BCAS1: variants seen among roughly 807,000 people sequenced by gnomAD.
The protein encoded by BCAS1 is brain enriched myelin associated protein 1.
BCAS1 carries 46 observed loss-of-function variants against 65.4 expected under a neutral mutation model. The ratio of observed to expected loss-of-function variants is 0.70; its 90% CI spans 0.55 to 0.90. The LOEUF (loss-of-function observed/expected upper bound fraction) is 0.90. BCAS1 is among the 40% of genes least tolerant of loss of function. BCAS1 has a pLI of 0.00. For synonymous variants in BCAS1, 298 were observed against 293.5 expected (o/e 1.02, Z -0.16); for missense variants, 793 against 771.2 (o/e 1.03, Z -0.33).
chr20:54,033,464 G>A (rs1440387732), intron 3 of BCAS1, among the ~76,000 whole-genome samples: 1 of 150,860 alleles, frequency 6.6e-6, no homozygotes, highest in Non-Finnish European at 1.5e-5. Flanking sequence ...CGACAAGGGG[G>A]ATATTACCAC....
chr20:53,961,169 A>T (rs1461646086), intron 10 of BCAS1, among the ~76,000 whole-genome samples: 1 of 152,268 alleles, frequency 6.6e-6, no homozygotes, highest in African/African-American at 2.4e-5. Context: ...TCTCCAATGT[A>T]TATCACTTAG....
chr20:54,029,252 C>T (rs775325027), intron 3 of BCAS1: 11 of 984,672 alleles, frequency 1.1e-5, no homozygotes, highest in Non-Finnish European at 1.3e-5. Context: ...AATTAATCTT[C>T]TTTTATCTGT....
chr20:54,005,303 A>AAAACAAAACAAAACAAAACAAAAC lies in BCAS1; in HGVS notation c.724-9254_724-9253insGTTTTGTTTTGTTTTGTTTTGTTT, dbSNP rs141938747. On this transcript the variant is annotated intron_variant, in intron 4 of 12. Transcript: ENST00000688948. Reference sequence around the variant, plus strand: ...AGACCTTGTCTCTATGAAACAAAGCAAAAACAAAACAAAACAAAACAAAAC... The same window carrying AAAACAAAACAAAACAAAACAAAAC: ...AGACCTTGTCTCTATGAAACAAAGCAAAACAAAACAAAACAAAACAAAACAAAACAAAACAAAACAAAACAAAAC... Among the ~76,000 whole-genome samples the AAAACAAAACAAAACAAAACAAAAC allele has an allele frequency of 6.2e-3, 922 of 148,374 alleles. 10 individuals are homozygous for AAAACAAAACAAAACAAAACAAAAC. Among genetic ancestry groups the AAAACAAAACAAAACAAAACAAAAC allele is most frequent in the South Asian group, 0.03 (137 of 4,578 alleles).
chr20:54,053,266 G>C (rs1376557000), intron 3 of BCAS1, among the ~76,000 whole-genome samples: 1 of 152,168 alleles, frequency 6.6e-6, no homozygotes, highest in Non-Finnish European at 1.5e-5. Flanking sequence ...CCAAACTTTT[G>C]AGAAAGATCT....
chr20:53,971,145 T>C (rs1484587188), intron 9 of BCAS1, among the ~76,000 whole-genome samples: 2 of 152,270 alleles, frequency 1.3e-5, no homozygotes, highest in African/African-American at 4.8e-5. Flanking sequence ...CCTACCTTCC[T>C]GTAAATGAAT....
At chr20:54,041,178 G>C (rs2299704) in intron 3 of BCAS1, among the ~76,000 whole-genome samples, 27,083 of 151,038 alleles carry the variant, frequency 0.18, 3,234 homozygotes, top group East Asian at 0.32. Context: ...GCTGGGAATA[G>C]GGAAAAAACT....
intron 7 of BCAS1, among the ~76,000 whole-genome samples, chr20:53,988,060 T>C (rs1165487497): frequency 1.3e-5 from 2 of 152,206 alleles, no homozygotes; most frequent in African/African-American, 4.8e-5. Context: ...CTGGTTGCTT[T>C]AAGCCAATCA....
intron 4 of BCAS1, among the ~76,000 whole-genome samples, chr20:54,022,224 T>C (rs1026419468): frequency 6.6e-6 from 1 of 152,162 alleles, no homozygotes; most frequent in African/African-American, 2.4e-5. Flanking sequence ...CCTCTAGGGT[T>C]CTTTTTACAT....
At chr20:53,995,692 G>A (rs2090889421) in intron 5 of BCAS1, among the ~76,000 whole-genome samples, 200 bp downstream of exon 5, 2 of 152,226 alleles carry the variant, frequency 1.3e-5, no homozygotes, top group African/African-American at 2.4e-5. Flanking sequence ...CCATGGTTCC[G>A]AGCTTCAGGG....
intron 3 of BCAS1, among the ~76,000 whole-genome samples, chr20:54,035,880 A>T (rs950774767): frequency 6.6e-6 from 1 of 151,356 alleles, no homozygotes; most frequent in Non-Finnish European, 1.5e-5. Context: ...AGCCATAAAA[A>T]GAACGAGATC....
intron 4 of BCAS1, among the ~76,000 whole-genome samples, chr20:54,005,303 A>AAAAACAAAACAAAACAAAAC (rs71196438): frequency 0.045 from 6,747 of 148,330 alleles, 199 homozygotes; most frequent in Middle Eastern, 0.075. Flanking sequence ...GAAACAAAGC[A>AAAAACAAAACAAAACAAAAC]AAAACAAAAC....
chr20:54,070,369 A>C (rs1485457031), intron 1 of BCAS1, 64 bp downstream of exon 1: 1 of 152,314 alleles, frequency 6.6e-6, no homozygotes, highest in East Asian at 1.9e-4. Flanking sequence ...TGGCCTCTAT[A>C]TGACACCGTC....
intron 6 of BCAS1, 118 bp downstream of exon 6, chr20:53,994,893 AC>A: frequency 2.4e-6 from 1 of 422,236 alleles, no homozygotes. Context: ...TATGATACAC[AC>A]ACACACACAC....
At chr20:54,032,463 G>A (rs6091811) in intron 3 of BCAS1, among the ~76,000 whole-genome samples, 27,205 of 150,860 alleles carry the variant, frequency 0.18, 3,267 homozygotes, top group East Asian at 0.3. Context: ...GTATCAAATC[G>A]ACACATAGCA....
At chr20:54,054,851 T>C (rs1467855517) in intron 3 of BCAS1, among the ~76,000 whole-genome samples, 3 of 152,248 alleles carry the variant, frequency 2.0e-5, no homozygotes, top group African/African-American at 7.2e-5. Flanking sequence ...TTTGGGAACA[T>C]CTTTGTAATA....
chr20:54,018,401 C>CTTTT (rs35997009), intron 4 of BCAS1, among the ~76,000 whole-genome samples: 2 of 136,378 alleles, frequency 1.5e-5, no homozygotes, highest in Admixed American at 7.4e-5. Flanking sequence ...TATCCACTTA[C>CTTTT]TTTTTTTTTT....
intron 4 of BCAS1, among the ~76,000 whole-genome samples, chr20:54,014,095 C>G (rs1458398470): frequency 6.6e-6 from 1 of 152,170 alleles, no homozygotes; most frequent in Non-Finnish European, 1.5e-5. Flanking sequence ...GAGAGTCCAG[C>G]CTTCAGGCCA....
chr20:54,061,366 T>A (rs67341659), intron 1 of BCAS1, among the ~76,000 whole-genome samples: 21,020 of 152,230 alleles, frequency 0.14, 1,937 homozygotes, highest in East Asian at 0.32. Flanking sequence ...ACACAAGGAC[T>A]CTTGCAGCCA....
intron 3 of BCAS1, among the ~76,000 whole-genome samples, chr20:54,052,274 C>T (rs1454565203): frequency 6.6e-6 from 1 of 152,190 alleles, no homozygotes; most frequent in Admixed American, 6.5e-5. Context: ...CAACCAGCCC[C>T]AGCCCCTAGC....
Sources: allele counts gnomAD v4.1 joint callset (sites outside exome capture counted in the v4.1 genomes callset), GRCh38; gene constraint gnomAD v4.1.1; transcripts MANE v1.5; gene names NCBI Gene and HGNC (gene_info 2026-07-23, HGNC 2026-07-21).